The following NEK7 variants were observed in gnomAD, a reference collection of about 807,000 sequenced individuals.
NEK7 encodes NIMA related kinase 7.
In NEK7, 18 loss-of-function variants were observed where a neutral mutation model predicts 44.6. The ratio of observed to expected loss-of-function variants is 0.40; its 90% confidence interval spans 0.28 to 0.60. NEK7 has a LOEUF of 0.60. Among genes scored for constraint, NEK7 ranks in the 20% least tolerant of loss-of-function variants. NEK7 has a pLI of 0.38. For synonymous variants in NEK7, 130 were observed against 121.1 expected (o/e 1.07, Z -0.48); for missense variants, 256 against 366.5 (o/e 0.70, Z 2.46).
chr1:198,234,927 A>G (rs368723931), intron 2 of NEK7, among the ~76,000 whole-genome samples: 31 of 152,322 alleles, frequency 2.0e-4, no homozygotes, highest in African/African-American at 6.5e-4. Flanking sequence ...ATTATTGCTT[A>G]TTAAGTCTTT....
At chr1:198,227,018 G>A (rs1021192502) in intron 1 of NEK7, among the ~76,000 whole-genome samples, 3 of 151,078 alleles carry the variant, frequency 2.0e-5, no homozygotes, top group South Asian at 2.1e-4. Context: ...TTCCTCCCCC[G>A]CTCCCCCACC....
At chr1:198,212,648 C>T (rs1665808873) in intron 1 of NEK7, among the ~76,000 whole-genome samples, 1 of 152,154 alleles carries the variant, frequency 6.6e-6, no homozygotes, top group Non-Finnish European at 1.5e-5. Context: ...CTCTATCTGC[C>T]CTTGTAGGGT....
At chr1:198,202,916 G>T (rs888535083) in intron 1 of NEK7, among the ~76,000 whole-genome samples, 28 of 152,146 alleles carry the variant, frequency 1.8e-4, no homozygotes, top group African/African-American at 6.8e-4. Context: ...CTAGGGTCAG[G>T]GATGGGAAGG....
chr1:198,316,707 A>G (rs1571627053), intron 9 of NEK7, among the ~76,000 whole-genome samples: 3 of 152,088 alleles, frequency 2.0e-5, no homozygotes, highest in African/African-American at 4.8e-5. Context: ...TGTATTTTTC[A>G]TTATTGCTTT....
intron 1 of NEK7, among the ~76,000 whole-genome samples, chr1:198,212,635 C>G (rs1271952602): frequency 6.6e-6 from 1 of 152,198 alleles, no homozygotes; most frequent in African/African-American, 2.4e-5. Flanking sequence ...CCTGGTTTTG[C>G]TCCTCTATCT....
Position 198,262,822 on chromosome 1 carries a change from ACATAAT to A in NEK7, c.261+188_261+193del, listed in dbSNP as rs1653522325. Reference sequence around the variant, plus strand: ...TATTTTTTGGATTTATTGTTAAATAACATAATCAGAACATTTGTAGGACCAGCTTTT... The same window carrying A: ...TATTTTTTGGATTTATTGTTAAATAACAGAACATTTGTAGGACCAGCTTTT... On this transcript the variant is annotated intron_variant, in intron 4 of 9. Coordinates refer to ENST00000367385, the MANE Select transcript of NEK7 (RefSeq NM_133494.3). Among the ~76,000 whole-genome samples the A allele has an allele frequency of 3.9e-5, 6 of 151,934 alleles. No individual in the cohort carries two copies. The South Asian group carries it at 1.2e-3, about 31-fold the overall frequency.
rs185607304 is a variant in NEK7 at position 198,308,524 on chromosome 1, T to A, written c.799-10888T>A. On this transcript the variant is annotated intron_variant, in intron 9 of 9. Transcript: ENST00000367385. ...TACCCTGGTGAATATTTCTGATGAA[T>A]GCTATTTCTTGCCTGAAATCTTAAA... is the stretch of plus-strand genomic sequence containing the variant. 9.7e-4 allele frequency among the ~76,000 whole-genome samples: 148 copies of A among 152,356 alleles called. 1 individual carries two copies. The highest frequency in any genetic ancestry group is 3.4e-3 in the African/African-American group (143 of 41,586).
chr1:198,203,947 A>G (rs1336315389), intron 1 of NEK7, among the ~76,000 whole-genome samples: 1 of 151,992 alleles, frequency 6.6e-6, no homozygotes, highest in Non-Finnish European at 1.5e-5. Flanking sequence ...TATTTTGAGG[A>G]TACAATGGAA....
chr1:198,180,162 G>C (rs756125620), intron 1 of NEK7, among the ~76,000 whole-genome samples: 2 of 151,324 alleles, frequency 1.3e-5, no homozygotes, highest in Non-Finnish European at 2.9e-5. Context: ...CGGCCAGAGA[G>C]AATCATGATT....
intron 1 of NEK7, among the ~76,000 whole-genome samples, chr1:198,200,087 C>G (rs1217138773): frequency 6.6e-6 from 1 of 152,170 alleles, no homozygotes; most frequent in African/African-American, 2.4e-5. Flanking sequence ...TATTGGTGAA[C>G]ACTCTAGAGA....
chr1:198,201,471 A>T (rs1283150063), intron 1 of NEK7, among the ~76,000 whole-genome samples: 1 of 152,184 alleles, frequency 6.6e-6, no homozygotes, highest in East Asian at 1.9e-4. Flanking sequence ...CTGCTTTGCC[A>T]TTAGAGTTGA....
At chr1:198,217,520 C>G (rs1665955276) in intron 1 of NEK7, among the ~76,000 whole-genome samples, 1 of 152,114 alleles carries the variant, frequency 6.6e-6, no homozygotes. Context: ...CCCCTAAGAA[C>G]TGGAACAAGA....
intron 1 of NEK7, among the ~76,000 whole-genome samples, chr1:198,223,518 A>G (rs551458884): frequency 4.6e-4 from 70 of 152,302 alleles, no homozygotes; most frequent in South Asian, 1.5e-3. Flanking sequence ...CAGCAAATCA[A>G]AGTTGTCTCA....
intron 1 of NEK7, among the ~76,000 whole-genome samples, chr1:198,194,034 G>T (rs1049742687): frequency 2.6e-5 from 4 of 152,128 alleles, no homozygotes; most frequent in Non-Finnish European, 4.4e-5. Flanking sequence ...AATTATCTTT[G>T]TTTGCAGATG....
chr1:198,287,079 T>TA (rs1193468584), intron 7 of NEK7, among the ~76,000 whole-genome samples: 2 of 152,232 alleles, frequency 1.3e-5, no homozygotes, highest in African/African-American at 4.8e-5. Flanking sequence ...TTTCTGCCTG[T>TA]AACGCCATTT....
intron 1 of NEK7, among the ~76,000 whole-genome samples, chr1:198,168,483 G>A (rs550269915): frequency 6.6e-6 from 1 of 152,256 alleles, no homozygotes; most frequent in South Asian, 2.1e-4. Flanking sequence ...TGGGGTATTT[G>A]CATATGCATT....
intron 1 of NEK7, among the ~76,000 whole-genome samples, chr1:198,228,299 T>G (rs76452362): frequency 6.6e-6 from 1 of 151,908 alleles, no homozygotes; most frequent in Middle Eastern, 3.2e-3. Context: ...AGTCAGGTAG[T>G]GTGATGCCTC....
chr1:198,227,771 C>T (rs1427802566), intron 1 of NEK7, among the ~76,000 whole-genome samples: 4 of 152,082 alleles, frequency 2.6e-5, no homozygotes, highest in Admixed American at 2.0e-4. Flanking sequence ...GATATTAGCC[C>T]TTTGTCAGAT....
At chr1:198,243,505 C>T (rs1322037622) in intron 2 of NEK7, among the ~76,000 whole-genome samples, 1 of 152,034 alleles carries the variant, frequency 6.6e-6, no homozygotes, top group Non-Finnish European at 1.5e-5. Flanking sequence ...GTATCTTTGA[C>T]GTTAATTAAT....
Sources: gnomAD v4.1 joint callset for allele counts (sites outside exome capture counted in the v4.1 genomes callset) on GRCh38, gnomAD v4.1.1 for gene constraint, MANE v1.5 for transcripts, NCBI Gene and HGNC (gene_info 2026-07-23, HGNC 2026-07-21) for gene names.